Variants in SYT14 observed in about 807,000 individuals in gnomAD.
SYT14 encodes synaptotagmin 14.
In SYT14, 32 loss-of-function variants were observed where a neutral mutation model predicts 74.2. That is an observed-to-expected ratio of 0.43 (90% CI 0.33 to 0.58). The LOEUF (loss-of-function observed/expected upper bound fraction) is 0.58, where lower values mean the gene tolerates loss of function less well. Ranked by LOEUF, SYT14 falls within the 20% of genes least tolerant of loss-of-function variation. The pLI is 0.05. For missense variants in SYT14, 791 were observed against 981.8 expected (o/e 0.81, Z 2.60); for synonymous variants, 298 against 337.7 (o/e 0.88, Z 1.29).
rs148377478 is a variant in SYT14 at position 210,101,980 on chromosome 1, A to G, written c.2034+1519A>G. 3.3e-5 allele frequency among the ~76,000 whole-genome samples: 5 copies of G among 152,294 alleles called. No homozygotes were observed. In the East Asian group the frequency reaches 9.6e-4, roughly 29 times the overall value. ...TTCAAACTAAGCAATTTTTTAATGG[A>G]CCTACATTACGTGTGTTAGCTTCTA... On this transcript the variant is annotated intron_variant, in intron 7 of 9. Transcript: ENST00000637265.
chr1:209,978,871 C>A (rs566047515), intron 2 of SYT14, among the ~76,000 whole-genome samples: 1 of 152,338 alleles, frequency 6.6e-6, no homozygotes, highest in South Asian at 2.1e-4. Flanking sequence ...AGCTTCCAGG[C>A]CCCTTTGTTT....
At chr1:210,127,872 C>G (rs2082598421) in intron 7 of SYT14, among the ~76,000 whole-genome samples, 1 of 151,596 alleles carries the variant, frequency 6.6e-6, no homozygotes, top group African/African-American at 2.4e-5. Context: ...CTAAAAATAC[C>G]AAAAATTAGC....
chr1:209,988,345 C>T (rs1173128388), intron 2 of SYT14, among the ~76,000 whole-genome samples: 3 of 152,168 alleles, frequency 2.0e-5, no homozygotes, highest in Non-Finnish European at 4.4e-5. Context: ...TCCTCTGGTT[C>T]TTCAAACCCA....
At chr1:209,941,510 G>A (rs1341920470) in intron 1 of SYT14, among the ~76,000 whole-genome samples, 1 of 152,162 alleles carries the variant, frequency 6.6e-6, no homozygotes, top group Non-Finnish European at 1.5e-5. Flanking sequence ...TAATCTGATA[G>A]CGTTGACACT....
chr1:209,994,127 C>G (rs1415287154), intron 2 of SYT14, among the ~76,000 whole-genome samples: 2 of 152,068 alleles, frequency 1.3e-5, no homozygotes, highest in African/African-American at 4.8e-5. Flanking sequence ...TACTAGTTCC[C>G]CAGCAATGGT....
chr1:209,980,762 G>C (rs2079469585), intron 2 of SYT14, among the ~76,000 whole-genome samples: 1 of 152,030 alleles, frequency 6.6e-6, no homozygotes, highest in South Asian at 2.1e-4. Context: ...GGTTGTAGGT[G>C]TGCAGTCTTA....
intron 7 of SYT14, among the ~76,000 whole-genome samples, chr1:210,146,199 G>A (rs539718427): frequency 1.3e-4 from 20 of 152,154 alleles, no homozygotes; most frequent in Non-Finnish European, 2.2e-4. Context: ...TTAACCGGGC[G>A]TGTTGGCTCA....
At chr1:210,010,695 G>A (rs2080070540) in intron 2 of SYT14, among the ~76,000 whole-genome samples, 1 of 152,116 alleles carries the variant, frequency 6.6e-6, no homozygotes, top group Admixed American at 6.6e-5. Context: ...AGAGAAAGAT[G>A]AAAGAGGAAC....
chr1:210,070,076 A>G (rs1262322553), intron 5 of SYT14, among the ~76,000 whole-genome samples: 1 of 152,134 alleles, frequency 6.6e-6, no homozygotes, highest in African/African-American at 2.4e-5. Flanking sequence ...ATCACTTAGC[A>G]TAAACATTTT....
intron 5 of SYT14, among the ~76,000 whole-genome samples, chr1:210,036,268 T>A (rs1239238251): frequency 2.0e-5 from 3 of 152,026 alleles, no homozygotes; most frequent in Non-Finnish European, 2.9e-5. Flanking sequence ...TGATTTCTGC[T>A]CATTGATTTT....
chr1:209,964,373 A>G (rs1404346417), intron 2 of SYT14, among the ~76,000 whole-genome samples: 2 of 152,160 alleles, frequency 1.3e-5, no homozygotes, highest in Non-Finnish European at 2.9e-5. Context: ...TAGCAGTGTG[A>G]AAATGGATTA....
At position 209,952,316 on chromosome 1, in the gene SYT14, A is replaced by G. The variant is rs561399188; in HGVS notation, c.-533-393A>G. On this transcript the variant is annotated intron_variant, in intron 1 of 9. Transcript: ENST00000637265. ...GCATATATGATAAAATATAAATAGT[A>G]ACTTTACAGGATTGACCTTTCAATA... Among the ~76,000 whole-genome samples, 3 of 152,324 alleles carry G rather than the reference A, an allele frequency of 2.0e-5. No homozygotes were observed. The South Asian group carries it at 6.2e-4, about 32-fold the overall frequency.
chr1:210,140,473 A>G (rs1445478869), intron 7 of SYT14, among the ~76,000 whole-genome samples: 1 of 152,100 alleles, frequency 6.6e-6, no homozygotes, highest in Non-Finnish European at 1.5e-5. Context: ...TTTTTACTTG[A>G]TGATGTTCTA....
At position 209,949,571 on chromosome 1, in the gene SYT14, C is replaced by CAA. The variant is rs34436607; in HGVS notation, c.-533-3124_-533-3123dup. On this transcript the variant is annotated intron_variant, in intron 1 of 9. Transcript: ENST00000637265. ...CTGGCGACAGAGTGAGACTCCGTCT[C>CAA]AAAAAAAAAAAAAAACACTCAATTT... Among the ~76,000 whole-genome samples the CAA allele has an allele frequency of 1.2e-3, 102 of 82,098 alleles. 1 individual carries two copies. Among genetic ancestry groups the CAA allele is most frequent in the Middle Eastern group, 8.3e-3 (1 of 120 alleles). The allele number at this position is 82,098 out of a possible 152,430, so 53.9% of individuals were successfully genotyped here. A position where few individuals can be genotyped will look rare whatever the true frequency, so the allele number is the denominator to read the frequency against.
chr1:210,094,671 A>G, intron 6 of SYT14, 78 bp downstream of exon 5: 1 of 1,494,720 alleles, frequency 6.7e-7, no homozygotes, highest in African/African-American at 1.4e-5. Context: ...TCTTGGTAAG[A>G]AGAATTGATT....
exon 10 of SYT14, chr1:210,162,772 T>TA (rs1353596545): frequency 6.7e-6 from 3 of 444,966 alleles, no homozygotes; most frequent in African/African-American, 2.0e-5. Flanking sequence ...TGTATTTTTT[T>TA]AGTTTAAAAA....
chr1:210,165,401 A>G (rs756107447), exon 10 of SYT14: 4 of 152,162 alleles, frequency 2.6e-5, no homozygotes, highest in Non-Finnish European at 4.4e-5. Flanking sequence ...CATTTTGTAG[A>G]TGACTTTGAT....
intron 5 of SYT14, among the ~76,000 whole-genome samples, chr1:210,087,162 C>T (rs2081751285): frequency 6.6e-6 from 1 of 152,124 alleles, no homozygotes; most frequent in African/African-American, 2.4e-5. Flanking sequence ...TACCATGGTC[C>T]AGGACTCCTC....
At chr1:210,169,409 G>A (rs780615166) in exon 10 of SYT14, 6 of 151,468 alleles carry the variant, frequency 4.0e-5, no homozygotes, top group Non-Finnish European at 7.4e-5. Flanking sequence ...CACATACATC[G>A]ACTCTCTTAA....
Sources: allele counts gnomAD v4.1 joint callset (sites outside exome capture counted in the v4.1 genomes callset), GRCh38; gene constraint gnomAD v4.1.1; transcripts MANE v1.5; gene names NCBI Gene and HGNC (gene_info 2026-07-23, HGNC 2026-07-21).